Variants in SHANK2 observed in about 807,000 individuals in gnomAD.
The protein encoded by SHANK2 is SH3 and multiple ankyrin repeat domains protein 2.
Under a neutral mutation model 133.7 loss-of-function variants are expected in SHANK2, and 43 were observed. The ratio of observed to expected loss-of-function variants is 0.32; its 90% CI spans 0.25 to 0.41. The LOEUF (loss-of-function observed/expected upper bound fraction) is 0.41, where lower values mean the gene tolerates loss of function less well. SHANK2 is among the 10% of genes least tolerant of loss of function. The probability of loss-of-function intolerance (pLI) is 1.00; values close to 1 mark genes in which losing one functional copy is unlikely to be tolerated. For synonymous variants in SHANK2, 1,017 were observed against 952.8 expected (o/e 1.07, Z -1.24); for missense variants, 1,994 against 2,235.8 (o/e 0.89, Z 2.18).
At chr11:70,792,736 A>G (rs1296707439) in intron 14 of SHANK2, among the ~76,000 whole-genome samples, 1 of 152,206 alleles carries the variant, frequency 6.6e-6, no homozygotes, top group Non-Finnish European at 1.5e-5. Context: ...AACATTTTGT[A>G]CCATCTTCCA....
At chr11:70,539,784 T>C (rs2059594840) in intron 17 of SHANK2, among the ~76,000 whole-genome samples, 2 of 152,076 alleles carry the variant, frequency 1.3e-5, no homozygotes. Context: ...GGGGGGGCCG[T>C]AGCAGAGGGC....
At chr11:71,194,548 G>A (rs144596167) in intron 2 of SHANK2, among the ~76,000 whole-genome samples, 276 of 152,310 alleles carry the variant, frequency 1.8e-3, no homozygotes, top group African/African-American at 6.3e-3. Context: ...TGGGAGGGGG[G>A]CAGGTCCAGA....
At chr11:70,475,761 G>A (rs1285227744) in intron 25 of SHANK2, among the ~76,000 whole-genome samples, 1 of 152,174 alleles carries the variant, frequency 6.6e-6, no homozygotes, top group Non-Finnish European at 1.5e-5. Context: ...AGAGGGCTGG[G>A]TGCCCCTGAG....
At chr11:70,952,278 C>A (rs1438245592) in intron 10 of SHANK2, among the ~76,000 whole-genome samples, 1 of 152,114 alleles carries the variant, frequency 6.6e-6, no homozygotes, top group African/African-American at 2.4e-5. Context: ...AAATGCAGAC[C>A]CAAAATAAAC....
At chr11:70,648,532 T>C (rs2061299160) in intron 17 of SHANK2, among the ~76,000 whole-genome samples, 1 of 152,164 alleles carries the variant, frequency 6.6e-6, no homozygotes, top group Admixed American at 6.6e-5. Context: ...ATAATGCTAA[T>C]GTAAAAGCTG....
In SHANK2 at chr11:70,834,859, C is replaced by T. The variant is rs145626347; in HGVS notation, c.1175-14177G>A. On this transcript the variant is annotated intron_variant, in intron 11 of 25. Transcript: ENST00000601538. The stretch of plus-strand genomic sequence containing the variant: ...CGGGGTGAGGGCACTGAGGAGCGGG[C>T]GTCGGAACCTCCCACAGGGTCTCTC... Among the ~76,000 whole-genome samples the T allele has an allele frequency of 2.6e-4, 40 of 152,120 alleles. 2 individuals carry two copies. In the East Asian group the frequency reaches 6.2e-3, roughly 24 times the overall value.
chr11:70,677,813 C>T (rs543506861), intron 15 of SHANK2, among the ~76,000 whole-genome samples: 30 of 152,336 alleles, frequency 2.0e-4, no homozygotes, highest in African/African-American at 7.2e-4. Flanking sequence ...AGGGTCCTTG[C>T]GTACCCATTT....
chr11:71,203,831 C>A (rs1565512511), intron 2 of SHANK2, among the ~76,000 whole-genome samples: 1 of 152,178 alleles, frequency 6.6e-6, no homozygotes, highest in Non-Finnish European at 1.5e-5. Context: ...GTGTGAAGAA[C>A]CCCCAGGAAA....
chr11:71,204,153 C>A (rs1222310626), intron 2 of SHANK2, among the ~76,000 whole-genome samples: 1 of 152,136 alleles, frequency 6.6e-6, no homozygotes, highest in Non-Finnish European at 1.5e-5. Flanking sequence ...AGGAAAACTG[C>A]AGGCCAGGGG....
At position 71,175,876 on chromosome 11, in the gene SHANK2, T is replaced by G. The variant is rs1161233815; in HGVS notation, c.-12-28538A>C. ...ACTCCCAGAGTGGAGGCGATGGGGC[T>G]GAGAACACAGGAAGGCCAAGGTAGC... On this transcript the variant is annotated intron_variant, in intron 2 of 25. Transcript: ENST00000601538. The surrounding 1 kb of genome is among the most constrained non-coding windows in gnomAD (Gnocchi z 4.2). Among the ~76,000 whole-genome samples, 2 of 152,088 alleles carry G rather than the reference T, an allele frequency of 1.3e-5. No homozygotes were observed. The highest frequency in any genetic ancestry group is 2.9e-5 in the Non-Finnish European group (2 of 68,030).
chr11:71,192,566 C>G (rs1953814096), intron 2 of SHANK2, among the ~76,000 whole-genome samples: 1 of 152,132 alleles, frequency 6.6e-6, no homozygotes, highest in South Asian at 2.1e-4. Flanking sequence ...GAACCTGAGC[C>G]TTTATGAAGA....
chr11:71,135,647 G>A (rs1377026482), intron 3 of SHANK2, among the ~76,000 whole-genome samples: 1 of 151,972 alleles, frequency 6.6e-6, no homozygotes, highest in African/African-American at 2.4e-5. Context: ...GTAAAGATGG[G>A]GTTTCACCAT....
intron 17 of SHANK2, among the ~76,000 whole-genome samples, chr11:70,649,282 T>C (rs2061310748): frequency 6.6e-6 from 1 of 152,166 alleles, no homozygotes; most frequent in Non-Finnish European, 1.5e-5. Flanking sequence ...GTCTGCTCCA[T>C]GGGACCCATC....
intron 1 of SHANK2, among the ~76,000 whole-genome samples, chr11:71,234,133 G>A (rs530446960): frequency 2.2e-5 from 3 of 136,986 alleles, no homozygotes; most frequent in African/African-American, 5.6e-5. Flanking sequence ...GGATCATGAG[G>A]TCAGGGATTT....
At chr11:71,074,128 T>C (rs966971858) in intron 9 of SHANK2, among the ~76,000 whole-genome samples, 39 of 152,090 alleles carry the variant, frequency 2.6e-4, no homozygotes, top group African/African-American at 9.4e-4. Flanking sequence ...TACAACAGGG[T>C]AACAGTTCCC....
chr11:70,493,879 A>G (rs1771277987), intron 21 of SHANK2, among the ~76,000 whole-genome samples: 1 of 152,152 alleles, frequency 6.6e-6, no homozygotes, highest in South Asian at 2.1e-4. Context: ...CCATGAGGCT[A>G]TTGTGCAAGT....
intron 2 of SHANK2, among the ~76,000 whole-genome samples, chr11:71,193,390 ACCT>A (rs1433499143): frequency 1.3e-5 from 2 of 152,032 alleles, no homozygotes; most frequent in African/African-American, 4.8e-5. Context: ...CACCAGAGAT[ACCT>A]CATTTCCTGG....
At chr11:71,136,126 G>A (rs1555104742) in intron 3 of SHANK2, among the ~76,000 whole-genome samples, 7 of 152,162 alleles carry the variant, frequency 4.6e-5, no homozygotes. Flanking sequence ...ACCATTGAGT[G>A]GGAATGGATC....
chr11:70,588,847 G>A (rs779936044), intron 17 of SHANK2, among the ~76,000 whole-genome samples: 6 of 152,062 alleles, frequency 3.9e-5, no homozygotes, highest in Admixed American at 2.0e-4. Context: ...AGATGGAGTC[G>A]CGCTCTGTCG....
Sources: gnomAD v4.1 joint callset for allele counts (sites outside exome capture counted in the v4.1 genomes callset) on GRCh38, gnomAD v4.1.1 for gene constraint, Gnocchi (gnomAD v3.1) non-coding constraint, MANE v1.5 for transcripts, NCBI Gene and HGNC (gene_info 2026-07-23, HGNC 2026-07-21) for gene names.